DGKB: variants seen among roughly 807,000 people sequenced by gnomAD.
The protein encoded by DGKB is 90 kDa diacylglycerol kinase.
Under a neutral mutation model 114.3 loss-of-function variants are expected in DGKB, and 67 were observed. That is an observed-to-expected ratio of 0.59 (90% CI 0.48 to 0.72). The LOEUF (loss-of-function observed/expected upper bound fraction) is 0.72. Ranked by LOEUF, DGKB falls within the 30% of genes least tolerant of loss-of-function variation. The pLI is 0.00. For missense variants in DGKB, 907 were observed against 975.2 expected, an observed-to-expected ratio of 0.93 and a Z score of 0.93; for synonymous variants, 398 against 323.1, an observed-to-expected ratio of 1.23 and a Z score of -2.49.
chr7:14,970,323 C>A (rs1787385540), intron 1 of DGKB, among the ~76,000 whole-genome samples: 1 of 152,060 alleles, frequency 6.6e-6, no homozygotes, highest in African/African-American at 2.4e-5. Flanking sequence ...AAACTTAACA[C>A]TTCCTAAGAG....
intron 23 of DGKB, among the ~76,000 whole-genome samples, chr7:14,277,002 G>A (rs1315559444): frequency 6.6e-6 from 1 of 151,832 alleles, no homozygotes; most frequent in Non-Finnish European, 1.5e-5. Context: ...TTTGAAATTT[G>A]CTTATTTTAA....
At position 14,329,736 on chromosome 7, in the gene DGKB, A is replaced by T. The variant is rs1262602253; in HGVS notation, c.2122+8779T>A. ...GGGCAAGATCGCTATCAGGCTTTAT[A>T]TTTAGGAAATTTGTATGGATAGCCT... On this transcript the variant is annotated intron_variant, in intron 23 of 25. Transcript: ENST00000402815. 5.9e-5 allele frequency among the ~76,000 whole-genome samples: 9 copies of T among 152,094 alleles called. No individual in the cohort carries two copies. In the East Asian group the frequency reaches 1.7e-3, roughly 29 times the overall value.
At chr7:14,191,202 A>T (rs1451903618) in intron 23 of DGKB, 2 of 161,152 alleles carry the variant, frequency 1.2e-5, no homozygotes, top group Non-Finnish European at 2.8e-5. Context: ...ACGTATGAGC[A>T]TGCATTTCTG....
chr7:14,658,101 C>G (rs541562223), intron 13 of DGKB, among the ~76,000 whole-genome samples: 1 of 151,946 alleles, frequency 6.6e-6, no homozygotes, highest in African/African-American at 2.4e-5. Context: ...GAAGAGCAAG[C>G]AAGATCGGAA....
chr7:14,242,067 T>A (rs1293006664), intron 23 of DGKB, among the ~76,000 whole-genome samples: 1 of 152,124 alleles, frequency 6.6e-6, no homozygotes, highest in Admixed American at 6.6e-5. Flanking sequence ...GCAAATCAAC[T>A]TTATTTAATT....
chr7:14,547,330 G>A (rs1179359905), intron 20 of DGKB, among the ~76,000 whole-genome samples: 1 of 151,826 alleles, frequency 6.6e-6, no homozygotes, highest in African/African-American at 2.4e-5. Flanking sequence ...ACCACATAAA[G>A]GATATAGTTA....
chr7:14,950,703 C>CA (rs902785984), intron 1 of DGKB, among the ~76,000 whole-genome samples: 2 of 151,694 alleles, frequency 1.3e-5, no homozygotes, highest in Admixed American at 6.6e-5. Context: ...TAATCCTTTC[C>CA]AAAAAATAGA....
chr7:14,608,869 G>A (rs1310775718), intron 16 of DGKB, among the ~76,000 whole-genome samples: 1 of 151,926 alleles, frequency 6.6e-6, no homozygotes, highest in Non-Finnish European at 1.5e-5. Context: ...GGAAGGAGGT[G>A]AAAGTGCTCT....
intron 21 of DGKB, among the ~76,000 whole-genome samples, chr7:14,388,029 G>A (rs983762630): frequency 3.3e-5 from 5 of 151,612 alleles, no homozygotes; most frequent in African/African-American, 1.2e-4. Context: ...ACAGGCGCCT[G>A]CCACTGCGCC....
chr7:14,169,841 A>T (rs1264040679), intron 25 of DGKB, among the ~76,000 whole-genome samples: 1 of 152,066 alleles, frequency 6.6e-6, no homozygotes, highest in Non-Finnish European at 1.5e-5. Flanking sequence ...AGTATTAGAA[A>T]TACATTAAGG....
chr7:14,640,103 C>G (rs913548010), intron 13 of DGKB, among the ~76,000 whole-genome samples: 3 of 152,140 alleles, frequency 2.0e-5, no homozygotes, highest in Non-Finnish European at 4.4e-5. Flanking sequence ...CTACAACACA[C>G]TAATAGTAAA....
intron 21 of DGKB, among the ~76,000 whole-genome samples, chr7:14,355,330 G>A (rs555216836): frequency 1.3e-5 from 2 of 152,320 alleles, no homozygotes; most frequent in South Asian, 4.1e-4. Context: ...TAGGAGTGGT[G>A]AGAGAAGGCA....
chr7:14,804,539 T>C (rs1466103529), intron 2 of DGKB, among the ~76,000 whole-genome samples: 2 of 152,130 alleles, frequency 1.3e-5, no homozygotes, highest in Non-Finnish European at 2.9e-5. Context: ...GTGTTCAGTT[T>C]TAGGTAGAAA....
intron 7 of DGKB, among the ~76,000 whole-genome samples, chr7:14,700,465 CT>C (rs1824967866): frequency 6.6e-6 from 1 of 152,158 alleles, no homozygotes. Context: ...GCCTGCCCGT[CT>C]TGGCATCCCA....
chr7:14,758,520 C>T (rs1835212687), intron 2 of DGKB, among the ~76,000 whole-genome samples: 1 of 151,984 alleles, frequency 6.6e-6, no homozygotes, highest in Non-Finnish European at 1.5e-5. Context: ...ATGGGTAAGT[C>T]ATCTAAATAT....
At chr7:14,394,489 G>A (rs1265591723) in intron 21 of DGKB, among the ~76,000 whole-genome samples, 6 of 152,106 alleles carry the variant, frequency 3.9e-5, no homozygotes, top group Admixed American at 3.3e-4. Flanking sequence ...ACAGTGGAAA[G>A]GAGGCCACTT....
chr7:14,719,130 A>G (rs1828724380), intron 5 of DGKB, among the ~76,000 whole-genome samples: 1 of 152,224 alleles, frequency 6.6e-6, no homozygotes, highest in Admixed American at 6.5e-5. Context: ...ATAAGTAATC[A>G]TCCATTCATA....
chr7:14,918,920 G>A (rs573916939), intron 1 of DGKB, among the ~76,000 whole-genome samples: 127 of 151,814 alleles, frequency 8.4e-4, no homozygotes, highest in African/African-American at 3.0e-3. Flanking sequence ...AAAATTAGCC[G>A]GGCGTGGTGG....
At chr7:14,355,271 C>T (rs985352752) in intron 21 of DGKB, among the ~76,000 whole-genome samples, 6 of 152,098 alleles carry the variant, frequency 3.9e-5, no homozygotes, top group African/African-American at 1.4e-4. Flanking sequence ...AAGTTCATTT[C>T]TTTCTCTTGC....
Sources: gnomAD v4.1 joint callset for allele counts (sites outside exome capture counted in the v4.1 genomes callset) on GRCh38, gnomAD v4.1.1 for gene constraint, MANE v1.5 for transcripts, NCBI Gene and HGNC (gene_info 2026-07-23, HGNC 2026-07-21) for gene names.